The following ADCY5 variants were observed in gnomAD, a reference collection of about 807,000 sequenced individuals.
The protein encoded by ADCY5 is adenylate cyclase 5, also known as adenylate cyclase type 5.
A neutral mutation model predicts 119.7 loss-of-function variants in ADCY5; 30 were observed. The ratio of observed to expected loss-of-function variants is 0.25; its 90% CI spans 0.19 to 0.34. The LOEUF is 0.34. Among genes scored for constraint, ADCY5 ranks in the 10% least tolerant of loss-of-function variants. The pLI, the probability that ADCY5 is intolerant of heterozygous loss-of-function variation, is 1.00. For missense variants in ADCY5, 1,324 were observed against 1,775.2 expected (o/e 0.75, Z 4.57); for synonymous variants, 753 against 762.2 (o/e 0.99, Z 0.20).
intron 1 of ADCY5, among the ~76,000 whole-genome samples, chr3:123,434,882 T>G (rs1265905440): frequency 1.3e-5 from 2 of 152,066 alleles, no homozygotes; most frequent in Non-Finnish European, 2.9e-5. Context: ...ACAGGGACCC[T>G]CAAAAGGACC....
intron 1 of ADCY5, among the ~76,000 whole-genome samples, chr3:123,434,904 C>T (rs113915733): frequency 1.3e-5 from 2 of 152,200 alleles, no homozygotes; most frequent in Non-Finnish European, 2.9e-5. Context: ...GGGCCTAGGT[C>T]TCCCACTAAT....
intron 1 of ADCY5, among the ~76,000 whole-genome samples, chr3:123,357,714 C>T (rs979284958): frequency 2.0e-5 from 3 of 152,278 alleles, no homozygotes; most frequent in Admixed American, 6.5e-5. Context: ...GCCTTACACA[C>T]ACACACTCAC....
chr3:123,341,108 G>C (rs1312361007), intron 3 of ADCY5, among the ~76,000 whole-genome samples: 2 of 151,924 alleles, frequency 1.3e-5, no homozygotes, highest in African/African-American at 4.8e-5. Context: ...CTGGGTGACA[G>C]AGTGAGACTC....
chr3:123,357,559 T>C (rs1459057324), intron 1 of ADCY5, among the ~76,000 whole-genome samples: 3 of 152,146 alleles, frequency 2.0e-5, no homozygotes, highest in African/African-American at 4.8e-5. Context: ...TTAGGGTGCC[T>C]TGGTGTTCAT....
rs112208514 is a variant in ADCY5 at position 123,436,320 on chromosome 3, C to A, written c.1134+11092G>T. Among the ~76,000 whole-genome samples the A allele has an allele frequency of 5.6e-3, 859 of 152,108 alleles. 9 individuals carry two copies. Among genetic ancestry groups the A allele is most frequent in the African/African-American group, 0.02 (824 of 41,498 alleles). On this transcript the variant is annotated intron_variant, in intron 1 of 20. Transcript: ENST00000462833. ...CCCCAGAAGCAGAGGTTGCAGTAAGCCAAGATCATACCACTGTACTCTAGC... is the reference window on the plus strand; with the variant it reads ...CCCCAGAAGCAGAGGTTGCAGTAAGACAAGATCATACCACTGTACTCTAGC...
At chr3:123,432,711 G>A (rs1234841982) in intron 1 of ADCY5, among the ~76,000 whole-genome samples, 3 of 151,932 alleles carry the variant, frequency 2.0e-5, no homozygotes, top group Non-Finnish European at 4.4e-5. Context: ...ATTTTATGTA[G>A]AAACAGGGAC....
chr3:123,354,219 T>C (rs1942958138), intron 1 of ADCY5, among the ~76,000 whole-genome samples: 1 of 152,160 alleles, frequency 6.6e-6, no homozygotes, highest in Admixed American at 6.5e-5. Context: ...GTGTTATAGA[T>C]GGAATGTTTG....
chr3:123,306,910 G>A (rs544030350), intron 12 of ADCY5, among the ~76,000 whole-genome samples: 1 of 152,312 alleles, frequency 6.6e-6, no homozygotes, highest in Non-Finnish European at 1.5e-5. Flanking sequence ...TATTTTTCAG[G>A]CATAAAGAGA....
intron 3 of ADCY5, among the ~76,000 whole-genome samples, chr3:123,338,171 C>T (rs1312435415): frequency 2.6e-5 from 4 of 152,212 alleles, no homozygotes; most frequent in Non-Finnish European, 2.9e-5. Flanking sequence ...TCTACTCTTC[C>T]TGGCCAGCTG....
At position 123,286,105 on chromosome 3, in the gene ADCY5, A is replaced by G. The variant is rs1038875321; in HGVS notation, c.3657+580T>C. 6.6e-6 allele frequency among the ~76,000 whole-genome samples: 1 copy of G among 152,202 alleles called. No homozygotes were observed. ...GGCGGTGCCTCTGCCATCAGACTGCAGCAGAGAATCAAGGAAGGCTCAAAA... is the reference window on the plus strand; with the variant it reads ...GGCGGTGCCTCTGCCATCAGACTGCGGCAGAGAATCAAGGAAGGCTCAAAA... On this transcript the variant is annotated intron_variant, in intron 20 of 20. Transcript: ENST00000462833. The surrounding 1 kb of genome is among the most constrained non-coding windows in gnomAD (Gnocchi z 4.2).
At chr3:123,313,601 AG>A (rs1433643936) in intron 12 of ADCY5, among the ~76,000 whole-genome samples, 1 of 152,228 alleles carries the variant, frequency 6.6e-6, no homozygotes, top group African/African-American at 2.4e-5. Flanking sequence ...TTTCTACCAC[AG>A]ACCAGAGTGA....
intron 1 of ADCY5, among the ~76,000 whole-genome samples, chr3:123,427,206 C>T (rs1032216718): frequency 4.6e-5 from 7 of 152,194 alleles, no homozygotes; most frequent in Admixed American, 1.3e-4. Flanking sequence ...GCATACCCAT[C>T]ACTGGCCTCT....
rs116147504 is a variant in ADCY5 at position 123,394,364 on chromosome 3, G to T, written c.1135-41783C>A. Among the ~76,000 whole-genome samples the T allele has an allele frequency of 5.7e-3, 861 of 152,028 alleles. 7 individuals are homozygous for T. Among genetic ancestry groups the T allele is most frequent in the African/African-American group, 0.02 (809 of 41,446 alleles). On this transcript the variant is annotated intron_variant, in intron 1 of 20. Transcript: ENST00000462833. The stretch of plus-strand genomic sequence containing the variant: ...AATTTTTTTTAAAATGCATATCTAG[G>T]GTAGCACCTCATCCATCTATAGCAC...
Position 123,448,375 on chromosome 3 carries a change from G to T in ADCY5, c.171C>A (p.Pro57=). The T allele has an allele frequency of 6.8e-7, 1 of 1,480,194 alleles. No homozygotes were observed. The highest frequency in any genetic ancestry group is 8.9e-7 in the Non-Finnish European group (1 of 1,126,110). 91.7% of individuals were successfully genotyped at this position (1,480,194 alleles called of 1,614,324 possible). ...GGSARGSTKK[P]GGAVTPQQQQ... is the part of the protein sequence containing the mutation. ...GCTGCTGCGGGGTCACCGCCCCCCC[G>T]GGTTTCTTGGTGGAGCCGCGGGCAG... Residue 57 remains proline, a synonymous_variant, in exon 1 of 21, where the codon CCC becomes CCA. Transcript: ENST00000462833.
intron 3 of ADCY5, among the ~76,000 whole-genome samples, chr3:123,336,965 C>G (rs1156556134): frequency 2.0e-5 from 3 of 152,188 alleles, no homozygotes; most frequent in African/African-American, 7.2e-5. Flanking sequence ...GGGGTGGGCT[C>G]TGCTGTTGAT....
intron 17 of ADCY5, among the ~76,000 whole-genome samples, chr3:123,294,022 A>G (rs1349735100): frequency 6.6e-6 from 1 of 152,236 alleles, no homozygotes. Flanking sequence ...CTGTCAAATA[A>G]CAGACGCCAA....
intron 1 of ADCY5, among the ~76,000 whole-genome samples, chr3:123,392,644 G>A (rs1944429407): frequency 6.6e-6 from 1 of 152,150 alleles, no homozygotes; most frequent in Admixed American, 6.5e-5. Context: ...CAGGCAGACA[G>A]TGTTACTCCC....
intron 1 of ADCY5, among the ~76,000 whole-genome samples, chr3:123,437,348 G>A (rs1945636913): frequency 6.6e-6 from 1 of 152,144 alleles, no homozygotes; most frequent in South Asian, 2.1e-4. Flanking sequence ...TTTAAGGCCA[G>A]AGAAAGCCCT....
intron 1 of ADCY5, chr3:123,368,103 G>T: frequency 7.4e-7 from 1 of 1,343,766 alleles, no homozygotes; most frequent in Non-Finnish European, 9.8e-7. Flanking sequence ...GGAGTCAGGA[G>T]CCCCAGGGGC....
Sources: gnomAD v4.1 joint callset for allele counts (sites outside exome capture counted in the v4.1 genomes callset) on GRCh38, gnomAD v4.1.1 for gene constraint, Gnocchi (gnomAD v3.1) non-coding constraint, MANE v1.5 for transcripts, NCBI Gene and HGNC (gene_info 2026-07-23, HGNC 2026-07-21) for gene names.